Variants in LINGO2 observed in about 807,000 individuals in gnomAD.
LINGO2 encodes leucine-rich repeat and immunoglobulin-like domain-containing nogo receptor-interacting protein 2.
Under a neutral mutation model 30.6 loss-of-function variants are expected in LINGO2, and 14 were observed. The ratio of observed to expected loss-of-function variants is 0.46; its 90% CI spans 0.30 to 0.72. LINGO2 has a LOEUF of 0.72. Among genes scored for constraint, LINGO2 ranks in the 30% least tolerant of loss-of-function variants. The pLI, the probability that LINGO2 is intolerant of heterozygous loss-of-function variation, is 0.07. For missense variants in LINGO2, 729 were observed against 751.7 expected (o/e 0.97, Z 0.35); for synonymous variants, 317 against 288.5 (o/e 1.10, Z -1.00).
At chr9:27,974,873 T>TTA (rs1370719520) in intron 5 of LINGO2, among the ~76,000 whole-genome samples, 3 of 152,112 alleles carry the variant, frequency 2.0e-5, no homozygotes, top group African/African-American at 7.2e-5. Flanking sequence ...CCAAGCCTAT[T>TTA]TAATTCTAGA....
chr9:29,178,984 A>G, the LINGO2 span, among the ~76,000 whole-genome samples: 1 of 151,400 alleles, frequency 6.6e-6, no homozygotes, highest in Admixed American at 6.6e-5. Flanking sequence ...TAATTAATTA[A>G]TTAATTACCC....
In LINGO2 at chr9:28,354,050, C is replaced by G. The variant is rs568280599; in HGVS notation, c.-246+18786G>C. ...ATAGCATCGGGAGATATACCTAATG[C>G]TAGATGACGAGTTAGTGGGTGCAGC... On this transcript the variant is annotated intron_variant, in intron 3 of 5. Coordinates refer to ENST00000379992, the Ensembl canonical transcript of LINGO2. Among the ~76,000 whole-genome samples the G allele has an allele frequency of 5.9e-5, 9 of 152,062 alleles. No individual in the cohort carries two copies. The South Asian group carries it at 1.0e-3, about 18-fold the overall frequency.
intron 4 of LINGO2, among the ~76,000 whole-genome samples, chr9:28,247,865 A>G (rs1391144663): frequency 6.6e-6 from 1 of 152,246 alleles, no homozygotes; most frequent in Non-Finnish European, 1.5e-5. Context: ...ATGTGCCAAC[A>G]TCATGGATCA....
intron 4 of LINGO2, among the ~76,000 whole-genome samples, chr9:28,117,534 C>G (rs1201887420): frequency 1.2e-5 from 1 of 81,460 alleles, no homozygotes; most frequent in East Asian, 3.0e-4. Context: ...GCAGTTTGAT[C>G]TCAGACTGCT....
At chr9:29,138,306 C>T in the LINGO2 span, among the ~76,000 whole-genome samples, 1 of 146,104 alleles carries the variant, frequency 6.8e-6, no homozygotes, top group African/African-American at 2.5e-5. Context: ...TTCTTTTTCA[C>T]TGGAAAAATC....
At chr9:28,343,853 G>A (rs968155719) in intron 3 of LINGO2, among the ~76,000 whole-genome samples, 4 of 152,086 alleles carry the variant, frequency 2.6e-5, no homozygotes, top group African/African-American at 9.7e-5. Context: ...TAAGTTTGGA[G>A]AGACTGAGAA....
chr9:28,668,192 T>C (rs1364911831), intron 1 of LINGO2, among the ~76,000 whole-genome samples: 1 of 152,076 alleles, frequency 6.6e-6, no homozygotes, highest in Non-Finnish European at 1.5e-5. Flanking sequence ...GGCAAATAAT[T>C]CAGTACCCGA....
chr9:28,811,305 A>T, the LINGO2 span, among the ~76,000 whole-genome samples: 5 of 152,234 alleles, frequency 3.3e-5, no homozygotes, highest in South Asian at 1.0e-3. Flanking sequence ...AGTCACAATT[A>T]TCTCTTTGAA....
chr9:28,623,745 T>G (rs1459607234), intron 1 of LINGO2, among the ~76,000 whole-genome samples: 2 of 152,064 alleles, frequency 1.3e-5, no homozygotes, highest in Non-Finnish European at 2.9e-5. Flanking sequence ...GTCATTGGTA[T>G]TTTGATAGGA....
the LINGO2 span, among the ~76,000 whole-genome samples, chr9:29,202,838 C>A: frequency 6.6e-6 from 1 of 152,008 alleles, no homozygotes; most frequent in African/African-American, 2.4e-5. Flanking sequence ...CCAGAAGCTC[C>A]AGGTCCAACA....
chr9:28,845,585 T>C, the LINGO2 span, among the ~76,000 whole-genome samples: 29 of 151,978 alleles, frequency 1.9e-4, 1 homozygote, highest in African/African-American at 7.0e-4. Flanking sequence ...AGTGAAGAGA[T>C]AATTATGTCA....
At chr9:28,349,561 T>A (rs2134434613) in intron 3 of LINGO2, among the ~76,000 whole-genome samples, 1 of 128,376 alleles carries the variant, frequency 7.8e-6, no homozygotes, top group African/African-American at 3.0e-5. Flanking sequence ...TGGAACCAAG[T>A]TGGAAAACAC....
chr9:28,450,684 A>T (rs1824613861), intron 2 of LINGO2, among the ~76,000 whole-genome samples: 1 of 152,046 alleles, frequency 6.6e-6, no homozygotes, highest in Non-Finnish European at 1.5e-5. Flanking sequence ...TTCTGCTACC[A>T]TCAATCCATG....
chr9:28,486,892 T>C (rs184458349), intron 1 of LINGO2, among the ~76,000 whole-genome samples: 44 of 152,200 alleles, frequency 2.9e-4, no homozygotes, highest in Admixed American at 2.8e-3. Context: ...ATGCTTGCAG[T>C]CTCTCCATTA....
chr9:28,650,240 A>G (rs1828034628), intron 1 of LINGO2, among the ~76,000 whole-genome samples: 1 of 152,138 alleles, frequency 6.6e-6, no homozygotes, highest in South Asian at 2.1e-4. Flanking sequence ...ACATGCCTGG[A>G]GTTTCCTCAA....
intron 1 of LINGO2, among the ~76,000 whole-genome samples, chr9:28,532,785 C>G (rs1189029201): frequency 1.3e-5 from 2 of 152,022 alleles, no homozygotes; most frequent in Non-Finnish European, 1.5e-5. Context: ...TGTCAAAGTA[C>G]TCCTTCTGAC....
chr9:28,426,255 C>T (rs1310108464), intron 2 of LINGO2, among the ~76,000 whole-genome samples: 1 of 151,898 alleles, frequency 6.6e-6, no homozygotes, highest in Non-Finnish European at 1.5e-5. Flanking sequence ...ATAAAATATC[C>T]CTCCCTATAG....
the LINGO2 span, among the ~76,000 whole-genome samples, chr9:29,080,740 G>A: frequency 6.6e-6 from 1 of 152,036 alleles, no homozygotes; most frequent in South Asian, 2.1e-4. Context: ...CAGTTTCCAT[G>A]TAGTTGAGCG....
chr9:28,562,287 T>A (rs1159632559), intron 1 of LINGO2, among the ~76,000 whole-genome samples: 1 of 151,608 alleles, frequency 6.6e-6, no homozygotes, highest in Non-Finnish European at 1.5e-5. Flanking sequence ...AGCATTGTTC[T>A]TTTTTTCCTC....
Sources: gnomAD v4.1 joint callset for allele counts (sites outside exome capture counted in the v4.1 genomes callset) on GRCh38, gnomAD v4.1.1 for gene constraint, MANE v1.5 for transcripts, NCBI Gene and HGNC (gene_info 2026-07-23, HGNC 2026-07-21) for gene names.